LRP6: variants seen among roughly 807,000 people sequenced by gnomAD.
The protein encoded by LRP6 is LDL receptor related protein 6, also known as low-density lipoprotein receptor-related protein 6.
Under a neutral mutation model 184.1 loss-of-function variants are expected in LRP6, and 43 were observed. The observed-to-expected ratio is 0.23, with a 90% CI of 0.18 to 0.30. The LOEUF (loss-of-function observed/expected upper bound fraction) is 0.30, where lower values mean the gene tolerates loss of function less well. Among genes scored for constraint, LRP6 ranks in the 10% least tolerant of loss-of-function variants. The pLI is 1.00. For synonymous variants in LRP6, 719 were observed against 684.9 expected (o/e 1.05, Z -0.78); for missense variants, 1,571 against 2,005.3 (o/e 0.78, Z 4.14).
At chr12:12,186,676 T>TTTTTG in intron 4 of LRP6, 3 of 407,522 alleles carry the variant, frequency 7.4e-6, no homozygotes, top group East Asian at 1.0e-4. Context: ...TTTTTTTTTT[T>TTTTTG]GAGACACAGT....
rs772365376 is a variant in LRP6 at position 12,184,016 on chromosome 12, C to T, written c.940G>A (p.Val314Ile). The change falls in exon 5 of 23, where the codon GTC becomes ATC. Residue 314 changes from valine to isoleucine, a missense_variant. Val to Ile is a conservative substitution (Grantham distance 29). This residue lies in a region of LRP6 where 640 missense variants were observed against 851.9 expected (regional missense o/e 0.75). Coordinates refer to ENST00000261349, the MANE Select transcript of LRP6 (RefSeq NM_002336.3). ...PFYQCACPTG[V>I]KLLENGKTCK... Reference sequence around the variant, plus strand: ...GTTTTTCCATTCTCCAGGAGTTTGACCCCAGTGGGGCAAGCACACTGATAA... The same window carrying T: ...GTTTTTCCATTCTCCAGGAGTTTGATCCCAGTGGGGCAAGCACACTGATAA... The T allele has an allele frequency of 1.2e-6, 2 of 1,613,524 alleles. No individual in the cohort carries two copies. Among genetic ancestry groups the T allele is most frequent in the East Asian group, 4.5e-5 (2 of 44,856 alleles).
At chr12:12,163,645 A>G (rs1862796934) in intron 9 of LRP6, among the ~76,000 whole-genome samples, 2 of 152,156 alleles carry the variant, frequency 1.3e-5, no homozygotes, top group Non-Finnish European at 2.9e-5. Context: ...TTTTTTTTTA[A>G]AGTAAATCAA....
chr12:12,261,638 C>A (rs377553780), intron 1 of LRP6, among the ~76,000 whole-genome samples: 1 of 152,048 alleles, frequency 6.6e-6, no homozygotes, highest in Non-Finnish European at 1.5e-5. Context: ...AAGTTAAAAC[C>A]GGTCTCTTTA....
chr12:12,163,453 C>A (rs750867104), intron 9 of LRP6, among the ~76,000 whole-genome samples: 1 of 152,128 alleles, frequency 6.6e-6, no homozygotes, highest in Non-Finnish European at 1.5e-5. Flanking sequence ...CTGAAACAAG[C>A]CCAAAACAAT....
chr12:12,203,027 G>T (rs1186173779), intron 3 of LRP6, among the ~76,000 whole-genome samples, 176 bp downstream of exon 3: 1 of 152,192 alleles, frequency 6.6e-6, no homozygotes, highest in Non-Finnish European at 1.5e-5. Context: ...TATCAAGATG[G>T]ATGATAAATG....
Position 12,258,944 on chromosome 12 carries a change from T to C in LRP6, c.55+7737A>G, listed in dbSNP as rs144248200. 2.4e-3 allele frequency among the ~76,000 whole-genome samples: 370 copies of C among 152,002 alleles called. 1 individual carries two copies. The highest frequency in any genetic ancestry group is 8.1e-3 in the African/African-American group (336 of 41,522). On this transcript the variant is annotated intron_variant, in intron 1 of 22. Transcript: ENST00000261349. ...TTTGATAAAGGTAGGTTTCCAATAT[T>C]TGGGTGACTATTTTCTTGGGAAAAA...
In LRP6 at chr12:12,119,813, CATTAGAAGAGGT is replaced by C. The variant is rs1406599443; in HGVS notation, c.*1301_*1312del. On this transcript the variant is annotated 3_prime_UTR_variant, in exon 23 of 23. Transcript: ENST00000261349. The stretch of plus-strand genomic sequence containing the variant: ...AGAAAGATATTAAATTCATGTCACA[CATTAGAAGAGGT>C]ATGTATGTAGACATTATTCTGAGAA... 12 of 151,394 alleles carry C rather than the reference CATTAGAAGAGGT, an allele frequency of 7.9e-5. No homozygotes were observed. The East Asian group carries it at 2.3e-3, about 29-fold the overall frequency. 9.4% of individuals were successfully genotyped at this position (151,394 alleles called of 1,614,324 possible). A position where few individuals can be genotyped will look rare whatever the true frequency, so the allele number is the denominator to read the frequency against.
At chr12:12,149,332 T>A (rs113987937) in intron 13 of LRP6, among the ~76,000 whole-genome samples, 179 bp from the exon 14 acceptor site, 3 of 152,168 alleles carry the variant, frequency 2.0e-5, no homozygotes, top group African/African-American at 7.2e-5. Context: ...TTAATACACA[T>A]CTCAAATGTT....
chr12:12,209,458 T>C (rs1295342145), intron 2 of LRP6, among the ~76,000 whole-genome samples: 2 of 152,150 alleles, frequency 1.3e-5, no homozygotes, highest in South Asian at 2.1e-4. Flanking sequence ...AGATAAAGAT[T>C]CCAACTACAA....
intron 15 of LRP6, among the ~76,000 whole-genome samples, chr12:12,142,502 T>A (rs1226888538): frequency 6.6e-6 from 1 of 151,452 alleles, no homozygotes; most frequent in African/African-American, 2.4e-5. Context: ...AAATACGAAA[T>A]AGAAAAAGGT....
At chr12:12,129,096 G>C (rs545114229) in intron 19 of LRP6, among the ~76,000 whole-genome samples, 1 of 152,148 alleles carries the variant, frequency 6.6e-6, no homozygotes, top group Non-Finnish European at 1.5e-5. Flanking sequence ...ATATAACATG[G>C]GTAAATATTT....
At chr12:12,168,064 T>C (rs547641332) in intron 7 of LRP6, among the ~76,000 whole-genome samples, 1 of 152,230 alleles carries the variant, frequency 6.6e-6, no homozygotes, top group African/African-American at 2.4e-5. Flanking sequence ...AAAGAACAAA[T>C]ATTTGACAAT....
At position 12,150,996 on chromosome 12, in the gene LRP6, T is replaced by G; in HGVS notation, c.2834A>C (p.Asn945Thr). 6.2e-7 allele frequency: 1 copy of G among 1,614,148 alleles called. No homozygotes were observed. The highest frequency in any genetic ancestry group is 8.5e-7 in the Non-Finnish European group (1 of 1,180,004). ...FLLFSQKSAI[N>T]RMVIDEQQSP... ...CTGTTGTTCATCAATCACCATGCGG[T>G]TGATGGCACTCTTTTGACTGAAGAG... is the stretch of plus-strand genomic sequence containing the variant. Residue 945 changes from asparagine (N) to threonine (T), a missense_variant, in exon 13 of 23, where the codon AAC becomes ACC. Transcript: ENST00000261349.
At chr12:12,192,076 T>A (rs1298835562) in intron 3 of LRP6, among the ~76,000 whole-genome samples, 5 of 151,920 alleles carry the variant, frequency 3.3e-5, no homozygotes, top group Non-Finnish European at 7.4e-5. Flanking sequence ...GACATAAGAT[T>A]GTATAAAGCA....
intron 15 of LRP6, among the ~76,000 whole-genome samples, chr12:12,139,551 C>T (rs533385841): frequency 6.6e-6 from 1 of 152,174 alleles, no homozygotes; most frequent in African/African-American, 2.4e-5. Context: ...TGGCAAAATG[C>T]CATCTCTACA....
At chr12:12,249,341 G>T (rs1336078562) in intron 1 of LRP6, 1 of 1,151,440 alleles carries the variant, frequency 8.7e-7, no homozygotes, top group African/African-American at 1.5e-5. Context: ...CAGCACCAAA[G>T]TTGTCCTGCA....
At chr12:12,203,924 G>A (rs958069116) in intron 2 of LRP6, among the ~76,000 whole-genome samples, 1 of 152,116 alleles carries the variant, frequency 6.6e-6, no homozygotes, top group Non-Finnish European at 1.5e-5. Flanking sequence ...AAAAACCACT[G>A]AATCAAAATG....
chr12:12,187,617 C>G (rs1414847575), intron 3 of LRP6: 1 of 185,264 alleles, frequency 5.4e-6, no homozygotes. Flanking sequence ...CCTGTTTTGT[C>G]CATCACTTCT....
chr12:12,150,782 G>A, intron 13 of LRP6, 54 bp downstream of exon 13: 1 of 1,575,042 alleles, frequency 6.3e-7, no homozygotes, highest in Non-Finnish European at 8.7e-7. Context: ...AGAGTGGTTG[G>A]TGAGTCCAGT....
Sources: allele counts gnomAD v4.1 joint callset (sites outside exome capture counted in the v4.1 genomes callset), GRCh38; gene constraint gnomAD v4.1.1; regional missense constraint gnomAD v4.1.1; transcripts MANE v1.5; gene names NCBI Gene and HGNC (gene_info 2026-07-23, HGNC 2026-07-21).